OGDH: variants seen among roughly 807,000 people sequenced by gnomAD.
OGDH encodes the protein 2-oxoglutarate dehydrogenase complex component E1.
Under a neutral mutation model 116.6 loss-of-function variants are expected in OGDH, and 38 were observed. The observed-to-expected ratio is 0.33, with a 90% CI of 0.25 to 0.43. The LOEUF (loss-of-function observed/expected upper bound fraction) is 0.43, where lower values mean the gene tolerates loss of function less well. Ranked by LOEUF, OGDH falls within the 20% of genes least tolerant of loss-of-function variation. The pLI is 1.00. For synonymous variants in OGDH, 488 were observed against 533.3 expected (o/e 0.92, Z 1.17); for missense variants, 825 against 1,357.2 (o/e 0.61, Z 6.16).
intron 2 of OGDH, among the ~76,000 whole-genome samples, chr7:44,639,417 T>C (rs933542301): frequency 2.0e-5 from 3 of 152,174 alleles, no homozygotes; most frequent in Non-Finnish European, 2.9e-5. Flanking sequence ...GGAGCTCTGG[T>C]ACTTGGGCAG....
intron 5 of OGDH, among the ~76,000 whole-genome samples, chr7:44,669,520 G>A (rs192813617): frequency 8.8e-4 from 133 of 151,504 alleles, no homozygotes; most frequent in Admixed American, 7.9e-4. Flanking sequence ...TCCATAGCAC[G>A]TCACAGTGTC....
At chr7:44,612,865 T>TTTTTC (rs367833555) in intron 1 of OGDH, among the ~76,000 whole-genome samples, 9,406 of 147,448 alleles carry the variant, frequency 0.064, 393 homozygotes, top group East Asian at 0.13. Flanking sequence ...CTGGCTGTTT[T>TTTTTC]TTTTCTTTTC....
chr7:44,683,310 G>T (rs190376963), intron 10 of OGDH, among the ~76,000 whole-genome samples: 10 of 152,212 alleles, frequency 6.6e-5, no homozygotes, highest in African/African-American at 9.6e-5. Flanking sequence ...GCTCATTGCA[G>T]CCTTGAACTC....
chr7:44,686,053 T>C (rs1788113336), intron 10 of OGDH, among the ~76,000 whole-genome samples: 1 of 152,128 alleles, frequency 6.6e-6, no homozygotes, highest in Non-Finnish European at 1.5e-5. Context: ...TTTCTTTTTT[T>C]TTTTGAGGAT....
chr7:44,676,612 GTGTA>G (rs888274639), intron 9 of OGDH: 41 of 111,456 alleles, frequency 3.7e-4, no homozygotes, highest in Middle Eastern at 4.4e-3. Flanking sequence ...GTGTGTGTGT[GTGTA>G]TATATATATA....
At chr7:44,692,296 A>G (rs532361819) in intron 10 of OGDH, among the ~76,000 whole-genome samples, 98 of 152,376 alleles carry the variant, frequency 6.4e-4, no homozygotes, top group African/African-American at 2.2e-3. Context: ...TCTGTGGGGT[A>G]TACTGTGTCT....
Position 44,666,787 on chromosome 7 carries a change from C to T in OGDH, c.569C>T (p.Thr190Ile). The T allele has an allele frequency of 6.2e-7, 1 of 1,613,392 alleles. No homozygotes were observed. Among genetic ancestry groups the T allele is most frequent in the Non-Finnish European group, 8.5e-7 (1 of 1,179,680 alleles). The change falls in exon 5 of 23, where the codon ACC (threonine) becomes ATC (isoleucine). Residue 190 changes from threonine to isoleucine, a missense_variant. Physicochemically the swap from Thr to Ile is moderately conservative, Grantham distance 89. Coordinates refer to ENST00000222673, the MANE Select transcript of OGDH (RefSeq NM_002541.4). ...SDLDKVFHLP[T>I]TTFIGGQESA... is the part of the protein sequence containing the mutation. ...CTCGACAAGGTCTTCCACTTGCCCA[C>T]CACCACTTTCATCGGGGGACAGGAA...
At chr7:44,630,588 G>T (rs1382772346) in intron 2 of OGDH, among the ~76,000 whole-genome samples, 1 of 152,164 alleles carries the variant, frequency 6.6e-6, no homozygotes, top group East Asian at 1.9e-4. Context: ...GTGGGGGATT[G>T]GTTCCAGGGC....
At chr7:44,610,384 A>G (rs1304181925) in intron 1 of OGDH, among the ~76,000 whole-genome samples, 1 of 145,950 alleles carries the variant, frequency 6.9e-6, no homozygotes, top group Non-Finnish European at 1.5e-5. Flanking sequence ...AATCTCTACA[A>G]CCTCTGCCTC....
At chr7:44,621,479 T>C (rs1257760283) in intron 1 of OGDH, among the ~76,000 whole-genome samples, 1 of 152,198 alleles carries the variant, frequency 6.6e-6, no homozygotes, top group African/African-American at 2.4e-5. Context: ...TCTGTCAAAG[T>C]GTGGACAGCA....
intron 2 of OGDH, among the ~76,000 whole-genome samples, chr7:44,627,979 ATT>A (rs1280893157): frequency 2.0e-5 from 3 of 152,088 alleles, no homozygotes; most frequent in Admixed American, 6.6e-5. Flanking sequence ...ACCCAGCCCC[ATT>A]GTTATTTTTA....
intron 8 of OGDH, among the ~76,000 whole-genome samples, chr7:44,675,614 A>C (rs1358646815): frequency 2.0e-5 from 3 of 152,178 alleles, no homozygotes; most frequent in African/African-American, 7.2e-5. Context: ...ATGGTGGCTC[A>C]CATCCGTAAC....
intron 5 of OGDH, among the ~76,000 whole-genome samples, chr7:44,673,494 C>T (rs1025394146): frequency 6.6e-6 from 1 of 152,158 alleles, no homozygotes; most frequent in Admixed American, 6.6e-5. Flanking sequence ...GTGCTTCTTG[C>T]CACAAAGGTA....
chr7:44,690,192 A>G (rs1352755920), intron 10 of OGDH, among the ~76,000 whole-genome samples: 1 of 152,260 alleles, frequency 6.6e-6, no homozygotes, highest in Non-Finnish European at 1.5e-5. Context: ...AATGAAAGGA[A>G]GAACTCCTAA....
In OGDH at chr7:44,645,439, C is replaced by A. The variant is rs1786130082; in HGVS notation, c.335C>A (p.Ser112Tyr). Residue 112 changes from serine to tyrosine, a missense_variant, in exon 3 of 23, where the codon TCC becomes TAC. Physicochemically the swap from Ser to Tyr is moderately radical, Grantham distance 144. Around this residue, in one of 7 missense-constraint regions of OGDH, gnomAD observed 171 missense variants for 276.8 expected, o/e 0.62. Coordinates refer to ENST00000222673, the MANE Select transcript of OGDH (RefSeq NM_002541.4). The stretch of plus-strand genomic sequence containing the variant: ...CTGGCTGCTGTGGCCCATGCACAGT[C>A]CCTGGTAGAAGCACAGCCCAACGTG... ...GSLAAVAHAQ[S>Y]LVEAQPNVDK... is the part of the protein sequence containing the mutation. The A allele has an allele frequency of 3.1e-6, 5 of 1,614,192 alleles. No homozygotes were observed. The highest frequency in any genetic ancestry group is 4.2e-6 in the Non-Finnish European group (5 of 1,180,036).
At chr7:44,696,887 C>T in intron 14 of OGDH, 27 bp from the exon 15 acceptor site, 1 of 1,581,240 alleles carries the variant, frequency 6.3e-7, no homozygotes, top group Non-Finnish European at 8.6e-7. Flanking sequence ...GGGCCTGCAG[C>T]AGCTGGTGAG....
intron 4 of OGDH, chr7:44,656,254 AAACT>A: frequency 6.6e-7 from 1 of 1,511,140 alleles, no homozygotes. Context: ...GGTCTTTTTT[AAACT>A]AACTCTCACC....
rs188564674 is a variant in OGDH, at chr7:44,613,866, G to A, written c.-28+7213G>A. On this transcript the variant is annotated intron_variant, in intron 1 of 22. Transcript: ENST00000222673. The stretch of plus-strand genomic sequence containing the variant: ...TTGTTGCACAGGCTGGAGTGCCATG[G>A]CGTGATCTCAGCTCACTGCAACCTC... 4.5e-3 allele frequency among the ~76,000 whole-genome samples: 649 copies of A among 143,612 alleles called. 4 individuals carry two copies. Among genetic ancestry groups the A allele is most frequent in the African/African-American group, 0.014 (566 of 39,138 alleles). 94.2% of individuals were successfully genotyped at this position (143,612 alleles called of 152,430 possible).
intron 2 of OGDH, among the ~76,000 whole-genome samples, chr7:44,633,558 G>A (rs1785537732): frequency 2.0e-5 from 3 of 152,176 alleles, no homozygotes; most frequent in Admixed American, 2.0e-4. Context: ...CCCCATCCAA[G>A]ACTCCCTTGG....
Sources: allele counts gnomAD v4.1 joint callset (sites outside exome capture counted in the v4.1 genomes callset), GRCh38; gene constraint gnomAD v4.1.1; regional missense constraint gnomAD v4.1.1; transcripts MANE v1.5; gene names NCBI Gene and HGNC (gene_info 2026-07-23, HGNC 2026-07-21).